Variants in CCSER1 observed in about 807,000 individuals in gnomAD.
The protein encoded by CCSER1 is coiled-coil serine rich protein 1, also known as serine-rich coiled-coil domain-containing protein 1.
Under a neutral mutation model 82.0 loss-of-function variants are expected in CCSER1, and 41 were observed. The ratio of observed to expected loss-of-function variants is 0.50; its 90% CI spans 0.39 to 0.65. CCSER1 has a LOEUF of 0.65. Ranked by LOEUF, CCSER1 falls within the 30% of genes least tolerant of loss-of-function variation. CCSER1 has a pLI of 0.00. For missense variants in CCSER1, 1,119 were observed against 1,064.2 expected (o/e 1.05, Z -0.72); for synonymous variants, 414 against 383.9 (o/e 1.08, Z -0.92).
intron 1 of CCSER1, among the ~76,000 whole-genome samples, chr4:90,141,056 C>CTATCTATCTATA (rs1724701700): frequency 1.3e-5 from 2 of 151,850 alleles, no homozygotes; most frequent in African/African-American, 4.8e-5. Flanking sequence ...ATCTATCTAT[C>CTATCTATCTATA]TATCTATTGT....
intron 4 of CCSER1, among the ~76,000 whole-genome samples, chr4:90,457,061 G>A (rs1356207122): frequency 1.3e-5 from 2 of 152,190 alleles, no homozygotes; most frequent in Non-Finnish European, 2.9e-5. Flanking sequence ...GCGATCCCAG[G>A]GTCCGGCCAC....
intron 10 of CCSER1, among the ~76,000 whole-genome samples, chr4:91,396,599 T>C (rs1447111473): frequency 6.6e-6 from 1 of 152,090 alleles, no homozygotes; most frequent in African/African-American, 2.4e-5. Context: ...GGCAGTTGTA[T>C]TGTATTGTCA....
At chr4:90,638,753 C>G (rs1178839956) in intron 6 of CCSER1, among the ~76,000 whole-genome samples, 2 of 152,058 alleles carry the variant, frequency 1.3e-5, no homozygotes, top group Non-Finnish European at 2.9e-5. Context: ...CCCTAATTTT[C>G]AACAGTCCTC....
chr4:90,689,933 A>G (rs1711691433), intron 6 of CCSER1, among the ~76,000 whole-genome samples: 1 of 151,992 alleles, frequency 6.6e-6, no homozygotes, highest in Non-Finnish European at 1.5e-5. Context: ...ACGTCCAGCA[A>G]CTCCTGCAGG....
At chr4:90,454,045 T>C (rs1761847359) in intron 4 of CCSER1, among the ~76,000 whole-genome samples, 1 of 152,120 alleles carries the variant, frequency 6.6e-6, no homozygotes, top group Non-Finnish European at 1.5e-5. Context: ...TAGTCTTCCC[T>C]CCAGTGGTCT....
chr4:90,177,748 G>T (rs1732972698), intron 1 of CCSER1, among the ~76,000 whole-genome samples: 1 of 152,022 alleles, frequency 6.6e-6, no homozygotes, highest in African/African-American at 2.4e-5. Flanking sequence ...CGTTTTCCGT[G>T]TATACAAAAT....
At chr4:90,849,463 T>C (rs1378620463) in intron 8 of CCSER1, among the ~76,000 whole-genome samples, 1 of 151,932 alleles carries the variant, frequency 6.6e-6, no homozygotes, top group Non-Finnish European at 1.5e-5. Flanking sequence ...AGCATAAATG[T>C]TGGGAAAATT....
chr4:90,655,242 G>A (rs772061161), intron 6 of CCSER1, among the ~76,000 whole-genome samples: 3 of 152,014 alleles, frequency 2.0e-5, no homozygotes, highest in South Asian at 2.1e-4. Context: ...TCATAATAAA[G>A]TTTTATAATA....
At chr4:90,879,469 T>C (rs1291501183) in intron 8 of CCSER1, among the ~76,000 whole-genome samples, 1 of 137,684 alleles carries the variant, frequency 7.3e-6, no homozygotes, top group Non-Finnish European at 1.5e-5. Context: ...ACTTGAAGTA[T>C]AATAATAATA....
At chr4:90,366,699 TGTTTAA>T (rs1746349657) in intron 3 of CCSER1, among the ~76,000 whole-genome samples, 1 of 151,502 alleles carries the variant, frequency 6.6e-6, no homozygotes, top group Non-Finnish European at 1.5e-5. Flanking sequence ...TTGAGGTAAG[TGTTTAA>T]TTATTTGGGT....
intron 10 of CCSER1, among the ~76,000 whole-genome samples, chr4:91,539,272 C>G (rs773610186): frequency 6.6e-6 from 1 of 151,894 alleles, no homozygotes; most frequent in Non-Finnish European, 1.5e-5. Flanking sequence ...TTCAGATTAT[C>G]TTCTTATCAA....
In CCSER1 at chr4:90,271,826, TTATATA is replaced by T. The variant is rs1189309598; in HGVS notation, c.-41-36386_-41-36381del. On this transcript the variant is annotated intron_variant, in intron 1 of 10. Transcript: ENST00000509176. ...AAGATACTACCTGAGACTGGACAATTTATATATATATATATATATATATATATATAT... is the reference window on the plus strand; with the variant it reads ...AAGATACTACCTGAGACTGGACAATTTATATATATATATATATATATATAT... Among the ~76,000 whole-genome samples the T allele has an allele frequency of 9.8e-3, 421 of 42,846 alleles. 14 individuals are homozygous for T. Among genetic ancestry groups the T allele is most frequent in the Middle Eastern group, 0.025 (1 of 40 alleles). 28.1% of individuals were successfully genotyped at this position (42,846 alleles called of 152,430 possible).
chr4:90,140,128 CTT>C (rs1312925072), intron 1 of CCSER1, among the ~76,000 whole-genome samples: 1 of 152,100 alleles, frequency 6.6e-6, no homozygotes, highest in African/African-American at 2.4e-5. Flanking sequence ...TTAAAAGCCA[CTT>C]GTGCTATTTT....
chr4:90,922,965 T>C (rs1478825412), intron 8 of CCSER1, among the ~76,000 whole-genome samples: 1 of 152,154 alleles, frequency 6.6e-6, no homozygotes, highest in Non-Finnish European at 1.5e-5. Context: ...ACAAACTGAA[T>C]AGAATCCATT....
chr4:91,527,496 A>G (rs1760824254), intron 10 of CCSER1, among the ~76,000 whole-genome samples: 2 of 152,338 alleles, frequency 1.3e-5, no homozygotes, highest in South Asian at 4.1e-4. Flanking sequence ...ATAGCCAAAT[A>G]AGAAATGAAA....
intron 10 of CCSER1, among the ~76,000 whole-genome samples, chr4:91,203,546 T>C (rs1343347783): frequency 6.6e-6 from 1 of 151,776 alleles, no homozygotes; most frequent in South Asian, 2.1e-4. Flanking sequence ...TATGTGTATA[T>C]GTAAAACATA....
At chr4:91,219,457 C>A (rs1483816987) in intron 10 of CCSER1, among the ~76,000 whole-genome samples, 1 of 151,930 alleles carries the variant, frequency 6.6e-6, no homozygotes, top group Non-Finnish European at 1.5e-5. Flanking sequence ...GGTCTGCAGT[C>A]GCCTGCCACC....
chr4:90,292,270 A>G (rs1433660210), intron 1 of CCSER1, among the ~76,000 whole-genome samples: 1 of 151,884 alleles, frequency 6.6e-6, no homozygotes, highest in Middle Eastern at 3.2e-3. Context: ...GTTTGTTGTT[A>G]ACTTTGAACT....
chr4:90,261,015 T>C (rs1474627650), intron 1 of CCSER1, among the ~76,000 whole-genome samples: 3 of 152,146 alleles, frequency 2.0e-5, no homozygotes, highest in Non-Finnish European at 4.4e-5. Flanking sequence ...CACACCTGGC[T>C]AGGTGTTGGT....
Sources: allele counts gnomAD v4.1 joint callset (sites outside exome capture counted in the v4.1 genomes callset), GRCh38; gene constraint gnomAD v4.1.1; transcripts MANE v1.5; gene names NCBI Gene and HGNC (gene_info 2026-07-23, HGNC 2026-07-21).